The following VWC2 variants were observed in gnomAD, a reference collection of about 807,000 sequenced individuals.
The protein encoded by VWC2 is brorin.
A neutral mutation model predicts 29.8 loss-of-function variants in VWC2; 14 were observed. The observed-to-expected ratio is 0.47, with a 90% CI of 0.31 to 0.74. VWC2 has a LOEUF of 0.74. Among genes scored for constraint, VWC2 ranks in the 30% least tolerant of loss-of-function variants. The pLI, the probability that VWC2 is intolerant of heterozygous loss-of-function variation, is 0.05. For synonymous variants in VWC2, 213 were observed against 199.0 expected (o/e 1.07, Z -0.59); for missense variants, 457 against 459.8 (o/e 0.99, Z 0.05).
chr7:49,897,657 A>T (rs971869942), intron 3 of VWC2, among the ~76,000 whole-genome samples: 5 of 152,242 alleles, frequency 3.3e-5, no homozygotes, highest in Admixed American at 6.5e-5. Context: ...AGAGACCTGT[A>T]GGCAAATACA....
chr7:49,891,374 C>G (rs1792120947), intron 3 of VWC2, among the ~76,000 whole-genome samples: 1 of 152,078 alleles, frequency 6.6e-6, no homozygotes, highest in African/African-American at 2.4e-5. Flanking sequence ...GATGACAATT[C>G]CATAATTATA....
In VWC2 at chr7:49,776,207, C is replaced by A. The variant is rs1186360104; in HGVS notation, c.696+76C>A. On this transcript the variant is annotated intron_variant, in intron 2 of 3. Transcript: ENST00000340652. ...GAACAGCTTTGGTTCTGTGGTCCCC[C>A]ACTTTGAAGAAGAGGTGCTCTCTGG... The A allele has an allele frequency of 1.3e-5, 17 of 1,290,858 alleles. No homozygotes were observed. In the South Asian group the frequency reaches 2.3e-4, roughly 17 times the overall value. 80.0% of individuals were successfully genotyped at this position (1,290,858 alleles called of 1,614,324 possible). A position where few individuals can be genotyped will look rare whatever the true frequency, so the allele number is the denominator to read the frequency against.
At chr7:49,906,626 G>A (rs868215206) in intron 3 of VWC2, among the ~76,000 whole-genome samples, 9 of 152,100 alleles carry the variant, frequency 5.9e-5, no homozygotes, top group African/African-American at 1.4e-4. Context: ...GTGAGCCACC[G>A]CACCCAGCCA....
At chr7:49,790,351 G>A (rs1583628771) in intron 2 of VWC2, among the ~76,000 whole-genome samples, 1 of 152,186 alleles carries the variant, frequency 6.6e-6, no homozygotes, top group Non-Finnish European at 1.5e-5. Context: ...TGTATGTGGA[G>A]TTGTCTTCTT....
chr7:49,853,869 C>A (rs192114516), intron 3 of VWC2, among the ~76,000 whole-genome samples: 48 of 128,646 alleles, frequency 3.7e-4, no homozygotes, highest in Non-Finnish European at 6.5e-4. Context: ...CCCCCCTCCC[C>A]CCACCCCACA....
chr7:49,919,559 T>TA lies in VWC2; in HGVS notation c.*7380dup. ...ACCCTGGTTTATTGTGAGGATTAAA[T>TA]AAAAAATCCTCACAAACCCCAATTT... On this transcript the variant is annotated 3_prime_UTR_variant, in exon 4 of 4. Transcript: ENST00000340652. 6.6e-6 allele frequency: 1 copy of TA among 152,282 alleles called. No homozygotes were observed. Among genetic ancestry groups the TA allele is most frequent in the South Asian group, 2.1e-4 (1 of 4,824 alleles). The allele number at this position is 152,282 out of a possible 1,614,324, so 9.4% of individuals were successfully genotyped here.
intron 2 of VWC2, among the ~76,000 whole-genome samples, chr7:49,802,124 T>C (rs1788751542): frequency 6.6e-6 from 1 of 152,122 alleles, no homozygotes; most frequent in African/African-American, 2.4e-5. Flanking sequence ...CAAAAAAAAG[T>C]TTAATAAGAA....
chr7:49,774,881 T>A (rs1269456533), intron 1 of VWC2, among the ~76,000 whole-genome samples: 1 of 151,890 alleles, frequency 6.6e-6, no homozygotes, highest in Non-Finnish European at 1.5e-5. Flanking sequence ...TGAGGAAGAG[T>A]TTCCCTCTTA....
intron 3 of VWC2, among the ~76,000 whole-genome samples, chr7:49,898,293 C>G (rs570369978): frequency 2.0e-5 from 3 of 151,542 alleles, no homozygotes; most frequent in South Asian, 4.2e-4. Context: ...TCTTTTAAAT[C>G]AAGGTAAGAA....
At chr7:49,845,095 A>G (rs1010065490) in intron 3 of VWC2, among the ~76,000 whole-genome samples, 24 of 152,274 alleles carry the variant, frequency 1.6e-4, no homozygotes, top group African/African-American at 5.8e-4. Context: ...ACACATGAAC[A>G]CATGGGCGGG....
At chr7:49,824,665 G>A (rs1279146912) in intron 3 of VWC2, among the ~76,000 whole-genome samples, 1 of 152,092 alleles carries the variant, frequency 6.6e-6, no homozygotes, top group East Asian at 1.9e-4. Context: ...TAACCAGATT[G>A]AGTTTTTCAG....
intron 3 of VWC2, among the ~76,000 whole-genome samples, chr7:49,831,433 G>T (rs1481804493): frequency 3.3e-5 from 5 of 152,210 alleles, no homozygotes; most frequent in African/African-American, 1.2e-4. Flanking sequence ...TGGAGAACAT[G>T]TAGGGACTTC....
At chr7:49,783,009 C>T (rs1274833169) in intron 2 of VWC2, among the ~76,000 whole-genome samples, 1 of 152,144 alleles carries the variant, frequency 6.6e-6, no homozygotes, top group Non-Finnish European at 1.5e-5. Flanking sequence ...GAGTGTGCAG[C>T]TCAGGGGGAG....
chr7:49,816,522 G>A (rs1212740333), intron 3 of VWC2, among the ~76,000 whole-genome samples: 1 of 152,170 alleles, frequency 6.6e-6, no homozygotes, highest in Non-Finnish European at 1.5e-5. Flanking sequence ...AAAGACCATG[G>A]GTTGGTCCCA....
intron 3 of VWC2, among the ~76,000 whole-genome samples, chr7:49,814,886 T>C (rs1789100423): frequency 6.6e-6 from 1 of 152,226 alleles, no homozygotes; most frequent in Non-Finnish European, 1.5e-5. Context: ...GAGGTCCTTG[T>C]GGGAACTTTC....
At chr7:49,877,481 A>AAAAAATATAT in intron 3 of VWC2, among the ~76,000 whole-genome samples, 1 of 12,722 alleles carries the variant, frequency 7.9e-5, no homozygotes, top group African/African-American at 2.8e-4. Context: ...AAAAAAAAAA[A>AAAAAATATAT]ATATATATAT....
chr7:49,836,335 T>C (rs1449814405), intron 3 of VWC2, among the ~76,000 whole-genome samples: 1 of 152,008 alleles, frequency 6.6e-6, no homozygotes, highest in Admixed American at 6.6e-5. Context: ...TTAAAATCTA[T>C]ACTTAAGTGT....
intron 3 of VWC2, among the ~76,000 whole-genome samples, chr7:49,906,263 AAAT>A (rs1274194117): frequency 2.0e-5 from 3 of 152,196 alleles, no homozygotes; most frequent in African/African-American, 7.2e-5. Context: ...TAACTAGTTA[AAAT>A]AATAATAAGG....
At chr7:49,906,323 TTAAC>T (rs1265153825) in intron 3 of VWC2, among the ~76,000 whole-genome samples, 1 of 152,052 alleles carries the variant, frequency 6.6e-6, no homozygotes, top group Non-Finnish European at 1.5e-5. Flanking sequence ...ATAGTAAATA[TTAAC>T]TGTCAAAAAT....
Sources: gnomAD v4.1 joint callset for allele counts (sites outside exome capture counted in the v4.1 genomes callset) on GRCh38, gnomAD v4.1.1 for gene constraint, MANE v1.5 for transcripts, NCBI Gene and HGNC (gene_info 2026-07-23, HGNC 2026-07-21) for gene names.